The following BBS2 variants were observed in gnomAD, a reference collection of about 807,000 sequenced individuals.
The protein encoded by BBS2 is BBSome complex member BBS2.
A neutral mutation model predicts 83.0 loss-of-function variants in BBS2; 62 were observed. That is an observed-to-expected ratio of 0.75 (90% CI 0.61 to 0.92). The LOEUF (loss-of-function observed/expected upper bound fraction) is 0.92, where lower values mean the gene tolerates loss of function less well. BBS2 is among the 40% of genes least tolerant of loss of function. The pLI, the probability that BBS2 is intolerant of heterozygous loss-of-function variation, is 0.00. For missense variants in BBS2, 784 were observed against 901.0 expected, an observed-to-expected ratio of 0.87 and a Z score of 1.66; for synonymous variants, 303 against 326.1, an observed-to-expected ratio of 0.93 and a Z score of 0.76.
intron 7 of BBS2, among the ~76,000 whole-genome samples, chr16:56,503,935 G>C (rs1597018092): frequency 6.9e-6 from 1 of 144,784 alleles, no homozygotes; most frequent in East Asian, 2.0e-4. Context: ...AAAAAAAAAA[G>C]ATGATTATGT....
chr16:56,475,954 G>T, intron 17 of BBS2: 1 of 1,206,756 alleles, frequency 8.3e-7, no homozygotes, highest in Admixed American at 2.3e-5. Flanking sequence ...TTAAGTGCTT[G>T]ATATGGAAAC....
At chr16:56,496,306 A>C (rs1964115028) in intron 15 of BBS2, among the ~76,000 whole-genome samples, 1 of 152,218 alleles carries the variant, frequency 6.6e-6, no homozygotes, top group Non-Finnish European at 1.5e-5. Flanking sequence ...CATATTCAGA[A>C]AAATTCAGAA....
rs2144193881 is a variant in BBS2 at position 56,514,686 on chromosome 16, A to T, written c.118-6T>A. The T allele has an allele frequency of 1.3e-6, 2 of 1,590,886 alleles. No individual in the cohort carries two copies. Among genetic ancestry groups the T allele is most frequent in the Non-Finnish European group, 1.7e-6 (2 of 1,159,304 alleles). ...TGAGGATTATGAATAAAAACCTGAA[A>T]CAAAAATAACTAATTACATTCCCTT... On this transcript the variant is annotated splice_region_variant and splice_polypyrimidine_tract_variant and intron_variant, in intron 1 of 16. Coordinates refer to ENST00000245157, the MANE Select transcript of BBS2 (RefSeq NM_031885.5).
intron 7 of BBS2, among the ~76,000 whole-genome samples, chr16:56,503,516 G>A (rs1964336616): frequency 6.6e-6 from 1 of 152,136 alleles, no homozygotes; most frequent in Admixed American, 6.5e-5. Flanking sequence ...ACTTTAGAGA[G>A]CTCTCCTATC....
At position 56,502,586 on chromosome 16, in the gene BBS2, C is replaced by A. The variant is rs1178425336; in HGVS notation, c.940+87G>T. The A allele has an allele frequency of 5.5e-5, 88 of 1,610,754 alleles. 2 individuals are homozygous for A. The highest frequency in any genetic ancestry group is 3.3e-4 in the Middle Eastern group (2 of 6,080). On this transcript the variant is annotated intron_variant, in intron 8 of 16. Transcript: ENST00000245157. ...TTATTAGAACTACAGGATCTCGGTACAAATACTTCAGGTGAAATTTCCTGA... is the reference window on the plus strand; with the variant it reads ...TTATTAGAACTACAGGATCTCGGTAAAAATACTTCAGGTGAAATTTCCTGA...
intron 15 of BBS2, 84 bp from the exon 16 acceptor site, chr16:56,485,822 A>G: frequency 8.1e-7 from 1 of 1,229,404 alleles, no homozygotes; most frequent in South Asian, 1.2e-5. Flanking sequence ...TAGACATACA[A>G]AGAAAAGACA....
At chr16:56,471,602 TG>T (rs1217644731) in intron 17 of BBS2, among the ~76,000 whole-genome samples, 1 of 152,238 alleles carries the variant, frequency 6.6e-6, no homozygotes, top group Non-Finnish European at 1.5e-5. Context: ...TACCATTCCC[TG>T]CTTCCACTCA....
At chr16:56,494,115 T>C (rs187995445) in intron 15 of BBS2, among the ~76,000 whole-genome samples, 166 of 150,280 alleles carry the variant, frequency 1.1e-3, no homozygotes, top group East Asian at 6.4e-3. Context: ...TGCACCACTA[T>C]GCCCAGCTAA....
chr16:56,514,117 T>C (rs1396894846), intron 2 of BBS2, among the ~76,000 whole-genome samples: 1 of 152,226 alleles, frequency 6.6e-6, no homozygotes, highest in African/African-American at 2.4e-5. Flanking sequence ...TTCTACAAAC[T>C]ATTGCACTAA....
intron 2 of BBS2, 33 bp downstream of exon 2, chr16:56,514,420 T>C: frequency 1.3e-6 from 2 of 1,587,470 alleles, no homozygotes; most frequent in Non-Finnish European, 8.6e-7. Flanking sequence ...TAATGAGTAA[T>C]GACAATTTTA....
chr16:56,470,733 C>T (rs143949400), intron 17 of BBS2: 46 of 1,613,812 alleles, frequency 2.9e-5, no homozygotes, highest in Non-Finnish European at 3.7e-5. Flanking sequence ...TCAGCAACAA[C>T]AGCCAACAGA....
At chr16:56,485,775 T>A in intron 15 of BBS2, 37 bp from the exon 16 acceptor site, 1 of 1,608,208 alleles carries the variant, frequency 6.2e-7, no homozygotes, top group African/African-American at 1.3e-5. Context: ...TCATTTCATG[T>A]TGATATGGCA....
At chr16:56,472,729 G>A (rs1305671341) in intron 17 of BBS2, among the ~76,000 whole-genome samples, 1 of 152,070 alleles carries the variant, frequency 6.6e-6, no homozygotes, top group African/African-American at 2.4e-5. Flanking sequence ...ACATATACAT[G>A]TATACACATA....
Position 56,501,401 on chromosome 16 carries a change from T to G in BBS2, c.1177A>C (p.Asn393His), listed in dbSNP as rs751069608. The G allele has an allele frequency of 3.7e-6, 6 of 1,614,144 alleles. No homozygotes were observed. Among genetic ancestry groups the G allele is most frequent in the Non-Finnish European group, 4.2e-6 (5 of 1,180,038 alleles). Residue 393 changes from asparagine (N) to histidine (H), a missense_variant, in exon 10 of 17, where the codon AAT becomes CAT. Asn to His is a moderately conservative substitution (Grantham distance 68, BLOSUM62 1). Transcript: ENST00000245157. Reference sequence around the variant, plus strand: ...TCTGTATGAGCAGTTTGGGTCTCATTCCCCAGGCTGACTGAGAGCGTGGTG... The same window carrying G: ...TCTGTATGAGCAGTTTGGGTCTCATGCCCCAGGCTGACTGAGAGCGTGGTG... ...LHTTLSVSLG[N>H]ETQTAHTELR...
chr16:56,507,906 T>G (rs1421229505), intron 5 of BBS2, among the ~76,000 whole-genome samples: 1 of 152,100 alleles, frequency 6.6e-6, no homozygotes, highest in Admixed American at 6.6e-5. Flanking sequence ...AGGCGGAGGT[T>G]GCAGTGAGCC....
In BBS2 at chr16:56,484,692, A is replaced by G; in HGVS notation, c.*69T>C. The G allele has an allele frequency of 2.8e-6, 4 of 1,429,222 alleles. No homozygotes were observed. Among genetic ancestry groups the G allele is most frequent in the Non-Finnish European group, 3.9e-6 (4 of 1,019,024 alleles). 88.5% of individuals were successfully genotyped at this position (1,429,222 alleles called of 1,614,324 possible). A position where few individuals can be genotyped will look rare whatever the true frequency, so the allele number is the denominator to read the frequency against. On this transcript the variant is annotated 3_prime_UTR_variant, in exon 17 of 17. Transcript: ENST00000245157. ...CCCGGGGTTCACCAGGGTGTGATCC[A>G]AAGCAAACCAGCATAGGTTTTTAAC... is the stretch of plus-strand genomic sequence containing the variant.
intron 12 of BBS2, chr16:56,499,555 C>T: frequency 2.0e-6 from 1 of 512,448 alleles, no homozygotes; most frequent in Non-Finnish European, 3.5e-6. Context: ...GGTAAGAATT[C>T]ACCAATAACT....
intron 5 of BBS2, among the ~76,000 whole-genome samples, chr16:56,507,537 C>T (rs12917842): frequency 5.3e-5 from 8 of 152,126 alleles, no homozygotes; most frequent in Admixed American, 1.3e-4. Context: ...TATGAGAATT[C>T]GGGACACACC....
At chr16:56,491,979 G>A (rs1304390351) in intron 15 of BBS2, among the ~76,000 whole-genome samples, 2 of 151,662 alleles carry the variant, frequency 1.3e-5, no homozygotes, top group Non-Finnish European at 2.9e-5. Flanking sequence ...CTTGTACACT[G>A]TTGATTACAA....
Sources: allele counts gnomAD v4.1 joint callset (sites outside exome capture counted in the v4.1 genomes callset), GRCh38; gene constraint gnomAD v4.1.1; transcripts MANE v1.5; gene names NCBI Gene and HGNC (gene_info 2026-07-23, HGNC 2026-07-21).